The following CD46 variants were observed in gnomAD, a reference collection of about 807,000 sequenced individuals.
CD46 encodes CD46 molecule, also known as membrane cofactor protein.
A neutral mutation model predicts 53.3 loss-of-function variants in CD46; 30 were observed. The ratio of observed to expected loss-of-function variants is 0.56; its 90% CI spans 0.42 to 0.76. The LOEUF (loss-of-function observed/expected upper bound fraction) is 0.76. Ranked by LOEUF, CD46 falls within the 30% of genes least tolerant of loss-of-function variation. CD46 has a pLI of 0.00. For synonymous variants in CD46, 142 were observed against 152.0 expected, an observed-to-expected ratio of 0.93 and a Z score of 0.48; for missense variants, 409 against 463.0, an observed-to-expected ratio of 0.88 and a Z score of 1.07.
Position 207,752,161 on chromosome 1 carries a change from C to T in CD46, c.-52C>T. 6.4e-7 allele frequency: 1 copy of T among 1,556,124 alleles called. No homozygotes were observed. The highest frequency in any genetic ancestry group is 1.1e-5 in the South Asian group (1 of 90,006). ...AAGGGACTTCCCTGCTCGGCTGGCTCTCGGTTTCTCTGCTTTCCTCCGGAG... is the reference window on the plus strand; with the variant it reads ...AAGGGACTTCCCTGCTCGGCTGGCTTTCGGTTTCTCTGCTTTCCTCCGGAG... On this transcript the variant is annotated 5_prime_UTR_variant, in exon 1 of 13. Transcript: ENST00000367042. The surrounding 1 kb of genome is among the most constrained non-coding windows in gnomAD (Gnocchi z 4.1).
At chr1:207,762,250 G>A (rs772511124) in intron 5 of CD46, among the ~76,000 whole-genome samples, 2 of 152,164 alleles carry the variant, frequency 1.3e-5, no homozygotes, top group South Asian at 2.1e-4. Flanking sequence ...ATCCAAATAT[G>A]TAGGATGCAG....
chr1:207,785,798 A>AAT (rs1659218282), intron 11 of CD46, 116 bp downstream of exon 11: 1 of 532,806 alleles, frequency 1.9e-6, no homozygotes, highest in Non-Finnish European at 3.3e-6. Flanking sequence ...TTTTAAAAAA[A>AAT]TGCCTGCATT....
In CD46 at chr1:207,785,633, G is replaced by A; in HGVS notation, c.1033G>A (p.Val345Ile). ...GTTTCTTATAGTTGTTGGAGTTGCA[G>A]TAATTTGTGTTGTCCCGTACAGATA... ...IVIAIVVGVA[V>I]ICVVPYRYLQ... Residue 345 changes from valine (V) to isoleucine (I), a missense_variant, in exon 11 of 13, where the codon GTA becomes ATA. Val to Ile is a conservative substitution (Grantham distance 29). Transcript: ENST00000367042. The A allele has an allele frequency of 6.2e-7, 1 of 1,610,398 alleles. No homozygotes were observed. The highest frequency in any genetic ancestry group is 1.1e-5 in the South Asian group (1 of 91,014).
At chr1:207,776,873 C>T (rs549344324) in intron 8 of CD46, among the ~76,000 whole-genome samples, 4 of 152,274 alleles carry the variant, frequency 2.6e-5, no homozygotes, top group Admixed American at 6.5e-5. Flanking sequence ...TGGGCTTAAG[C>T]GATCCTCCTG....
intron 8 of CD46, among the ~76,000 whole-genome samples, chr1:207,782,224 G>T (rs1471549566): frequency 6.6e-6 from 1 of 151,888 alleles, no homozygotes; most frequent in African/African-American, 2.4e-5. Flanking sequence ...ATTATTCATT[G>T]TTAGTGTATA....
chr1:207,767,503 G>T, intron 6 of CD46: 1 of 981,624 alleles, frequency 1.0e-6, no homozygotes. Flanking sequence ...ATTGAAACAT[G>T]GGCATTTTTA....
At chr1:207,765,485 A>G (rs549310603) in intron 5 of CD46, among the ~76,000 whole-genome samples, 1 of 152,332 alleles carries the variant, frequency 6.6e-6, no homozygotes, top group African/African-American at 2.4e-5. Flanking sequence ...AACAGTGAGG[A>G]TGTCCACTCT....
At chr1:207,773,380 A>AT (rs1657735333) in intron 8 of CD46, among the ~76,000 whole-genome samples, 1 of 152,040 alleles carries the variant, frequency 6.6e-6, no homozygotes, top group Non-Finnish European at 1.5e-5. Flanking sequence ...AGGGTTTTTT[A>AT]TATCTTTACC....
chr1:207,790,450 A>G, intron 12 of CD46, 105 bp downstream of exon 12: 1 of 658,682 alleles, frequency 1.5e-6, no homozygotes, highest in Non-Finnish European at 2.7e-6. Context: ...GGCAGTAAAT[A>G]TCAAAGAGGA....
intron 5 of CD46, among the ~76,000 whole-genome samples, chr1:207,765,793 T>C (rs1571612902): frequency 1.3e-5 from 2 of 152,290 alleles, no homozygotes; most frequent in South Asian, 2.1e-4. Flanking sequence ...CATACTCTTA[T>C]CATACAACTC....
chr1:207,771,385 A>G (rs1657492867), intron 8 of CD46, among the ~76,000 whole-genome samples: 1 of 152,106 alleles, frequency 6.6e-6, no homozygotes, highest in Non-Finnish European at 1.5e-5. Context: ...TGCTGTGCAG[A>G]AGCTCTTTAG....
rs763675099 is a variant in CD46, at chr1:207,761,279, A to G, written c.506A>G (p.Lys169Arg). The G allele has an allele frequency of 6.2e-7, 1 of 1,612,716 alleles. No individual in the cohort carries two copies. Among genetic ancestry groups the G allele is most frequent in the East Asian group, 2.2e-5 (1 of 44,846 alleles). The part of the protein sequence containing the change: ...KVLCTPPPKI[K>R]NGKHTFSEVE... ...TTGTGTACACCACCTCCAAAAATAA[A>G]AAATGGAAAACACACCTTTAGTGAA... The change falls in exon 5 of 13, where the codon AAA becomes AGA. Residue 169 changes from lysine to arginine, a missense_variant. Coordinates refer to ENST00000367042, the MANE Select transcript of CD46 (RefSeq NM_172351.3).
chr1:207,755,043 C>T (rs1198715786), intron 1 of CD46, among the ~76,000 whole-genome samples: 1 of 151,538 alleles, frequency 6.6e-6, no homozygotes, highest in Non-Finnish European at 1.5e-5. Flanking sequence ...ATCACTGGAG[C>T]CCCTCATGGT....
At chr1:207,770,285 C>T in intron 7 of CD46, 36 bp from the exon 8 acceptor site, 1 of 1,451,878 alleles carries the variant, frequency 6.9e-7, no homozygotes, top group Non-Finnish European at 9.7e-7. Flanking sequence ...TTGATAAGGC[C>T]CTGGTGAATT....
intron 8 of CD46, among the ~76,000 whole-genome samples, chr1:207,772,049 T>G (rs751195669): frequency 5.3e-5 from 8 of 152,254 alleles, no homozygotes; most frequent in African/African-American, 1.9e-4. Context: ...TTCTTCCATT[T>G]GTTTGTGTAC....
chr1:207,758,350 G>A (rs944338726), intron 3 of CD46, among the ~76,000 whole-genome samples: 34 of 152,204 alleles, frequency 2.2e-4, no homozygotes, highest in Non-Finnish European at 1.0e-4. Context: ...GGGGATGGCA[G>A]TAGTGTCTGG....
In CD46 at chr1:207,757,046, A is replaced by C. The variant is rs564910868; in HGVS notation, c.130A>C (p.Met44Leu). 302 of 1,614,056 alleles carry C rather than the reference A, an allele frequency of 1.9e-4. 5 individuals carry two copies. In the South Asian group the frequency reaches 3.1e-3, roughly 17 times the overall value. ...ACEEPPTFEA[M>L]ELIGKPKPYY... ...TGAGGAGCCACCAACATTTGAAGCT[A>C]TGGAGCTCATTGGTAAACCAAAACC... is the stretch of plus-strand genomic sequence containing the variant. The change falls in exon 2 of 13, where the codon ATG (methionine) becomes CTG (leucine). Residue 44 changes from methionine (M) to leucine (L), a missense_variant. Transcript: ENST00000367042.
At position 207,757,572 on chromosome 1, in the gene CD46, A is replaced by C; in HGVS notation, c.319A>C (p.Asn107His). Residue 107 changes from asparagine to histidine, a missense_variant, in exon 3 of 13, where the codon AAT becomes CAT. By Grantham distance (68) the Asn-to-His change is moderately conservative (BLOSUM62 1). Coordinates refer to ENST00000367042, the MANE Select transcript of CD46 (RefSeq NM_172351.3). ...ATGTCCATATATACGGGATCCTTTA[A>C]ATGGCCAAGCAGTCCCTGCAAATGG... ...ETCPYIRDPL[N>H]GQAVPANGTY... 6.2e-7 allele frequency: 1 copy of C among 1,610,510 alleles called. No homozygotes were observed. Among genetic ancestry groups the C allele is most frequent in the Non-Finnish European group, 8.5e-7 (1 of 1,177,488 alleles).
Position 207,767,204 on chromosome 1 carries a change from G to A in CD46, c.856+9G>A. The stretch of plus-strand genomic sequence containing the variant: ...TCCAAAGTGTCTTAAAGGTACAAAG[G>A]TTATCTTTTTTCTGTCTTGGTTTGT... On this transcript the variant is annotated intron_variant, in intron 6 of 12. Transcript: ENST00000367042. 1 of 1,608,712 alleles carries A rather than the reference G, an allele frequency of 6.2e-7. No individual in the cohort carries two copies. The highest frequency in any genetic ancestry group is 1.3e-5 in the African/African-American group (1 of 74,908).
Sources: gnomAD v4.1 joint callset for allele counts (sites outside exome capture counted in the v4.1 genomes callset) on GRCh38, gnomAD v4.1.1 for gene constraint, Gnocchi (gnomAD v3.1) non-coding constraint, MANE v1.5 for transcripts, NCBI Gene and HGNC (gene_info 2026-07-23, HGNC 2026-07-21) for gene names.